TBC1D8: variants seen among roughly 807,000 people sequenced by gnomAD.
TBC1D8 encodes TBC1 domain family member 8, also known as BUB2-like protein 1.
A neutral mutation model predicts 118.8 loss-of-function variants in TBC1D8; 65 were observed. The ratio of observed to expected loss-of-function variants is 0.55; its 90% confidence interval spans 0.45 to 0.67. The LOEUF (loss-of-function observed/expected upper bound fraction) is 0.67, where lower values mean the gene tolerates loss of function less well. Among genes scored for constraint, TBC1D8 ranks in the 30% least tolerant of loss-of-function variants. The pLI, the probability that TBC1D8 is intolerant of heterozygous loss-of-function variation, is 0.00. For missense variants in TBC1D8, 1,376 were observed against 1,471.2 expected (o/e 0.94, Z 1.06); for synonymous variants, 566 against 595.8 (o/e 0.95, Z 0.73).
intron 1 of TBC1D8, among the ~76,000 whole-genome samples, chr2:101,126,358 C>CTAAGTG (rs1357892290): frequency 6.6e-6 from 1 of 152,196 alleles, no homozygotes; most frequent in Non-Finnish European, 1.5e-5. Context: ...TGGGGCCACA[C>CTAAGTG]AAACCATATC....
At chr2:101,066,944 C>CAAA (rs543680787) in intron 2 of TBC1D8, among the ~76,000 whole-genome samples, 2 of 114,918 alleles carry the variant, frequency 1.7e-5, no homozygotes, top group Admixed American at 9.5e-5. Flanking sequence ...GAGAGTATCC[C>CAAA]AAAAAAAAAA....
chr2:101,056,170 C>T (rs1047909572), intron 3 of TBC1D8, among the ~76,000 whole-genome samples: 4 of 151,038 alleles, frequency 2.6e-5, no homozygotes, highest in Non-Finnish European at 4.4e-5. Flanking sequence ...CGAGCACTGA[C>T]ATTAAAATAA....
chr2:101,027,454 TGAG>T lies in TBC1D8; in HGVS notation c.2452-6_2452-4del, dbSNP rs747424950. 6.6e-5 allele frequency: 106 copies of T among 1,612,562 alleles called. No individual in the cohort carries two copies. Among genetic ancestry groups the T allele is most frequent in the Non-Finnish European group, 8.5e-5 (100 of 1,179,018 alleles). On this transcript the variant is annotated splice_polypyrimidine_tract_variant and splice_region_variant and intron_variant, in intron 14 of 19. Transcript: ENST00000409318. ...ACTTCCGGGATAACGACTCGAAGCT[TGAG>T]GAAAGAATAAACAGCAATGGCGTGA...
chr2:101,016,025 T>C (rs1367208878), intron 17 of TBC1D8, among the ~76,000 whole-genome samples: 6 of 151,870 alleles, frequency 4.0e-5, no homozygotes, highest in Admixed American at 3.9e-4. Context: ...AAGGACTTCA[T>C]GTCTAAAACA....
At chr2:101,129,491 A>G (rs537406922) in intron 1 of TBC1D8, among the ~76,000 whole-genome samples, 2 of 152,326 alleles carry the variant, frequency 1.3e-5, no homozygotes, top group South Asian at 4.1e-4. Flanking sequence ...AAACAAACAA[A>G]CAAGCATTTC....
chr2:101,037,424 C>T, intron 8 of TBC1D8, 108 bp downstream of exon 8: 1 of 1,473,908 alleles, frequency 6.8e-7, no homozygotes, highest in Non-Finnish European at 9.1e-7. Context: ...GGAGCGTTAG[C>T]TTCCCAAAGT....
chr2:101,099,738 T>C (rs1676703292), intron 1 of TBC1D8, among the ~76,000 whole-genome samples: 1 of 152,168 alleles, frequency 6.6e-6, no homozygotes, highest in South Asian at 2.1e-4. Flanking sequence ...ATCTATCACA[T>C]GAACAGAACC....
chr2:101,081,196 T>A (rs916622747), intron 2 of TBC1D8, among the ~76,000 whole-genome samples: 1 of 152,184 alleles, frequency 6.6e-6, no homozygotes, highest in East Asian at 1.9e-4. Context: ...AACTATTAAG[T>A]AAGCTTTTTC....
chr2:101,150,812 C>T (rs1236822727), intron 1 of TBC1D8, among the ~76,000 whole-genome samples: 2 of 152,162 alleles, frequency 1.3e-5, no homozygotes, highest in African/African-American at 4.8e-5. Context: ...CCGAGCCCTC[C>T]GGCCCCGCTC....
intron 1 of TBC1D8, among the ~76,000 whole-genome samples, chr2:101,146,947 T>TTACACATATAACA (rs1679341116): frequency 6.6e-6 from 1 of 152,234 alleles, no homozygotes; most frequent in Non-Finnish European, 1.5e-5. Flanking sequence ...ATAAGTGGGA[T>TTACACATATAACA]CATGCAGTAT....
intron 2 of TBC1D8, chr2:101,068,408 C>A: frequency 3.4e-6 from 1 of 290,666 alleles, no homozygotes; most frequent in Non-Finnish European, 6.4e-6. Context: ...AAGACCAGAA[C>A]GTTCAGGAAA....
intron 1 of TBC1D8, among the ~76,000 whole-genome samples, chr2:101,107,656 T>C (rs568659908): frequency 9.0e-4 from 137 of 152,314 alleles, no homozygotes; most frequent in African/African-American, 3.2e-3. Flanking sequence ...ATTTGGTTTC[T>C]ACTACCATGC....
intron 1 of TBC1D8, among the ~76,000 whole-genome samples, chr2:101,131,069 T>C (rs955563334): frequency 6.6e-6 from 1 of 152,144 alleles, no homozygotes; most frequent in South Asian, 2.1e-4. Flanking sequence ...TTTATTTATT[T>C]ATTTATTTAT....
At chr2:101,123,807 G>A (rs1299670899) in intron 1 of TBC1D8, among the ~76,000 whole-genome samples, 1 of 152,178 alleles carries the variant, frequency 6.6e-6, no homozygotes, top group Non-Finnish European at 1.5e-5. Context: ...ATAAAGGAAG[G>A]TCCTGCAGAG....
At chr2:101,015,657 AC>A (rs1679574749) in intron 17 of TBC1D8, among the ~76,000 whole-genome samples, 1 of 152,246 alleles carries the variant, frequency 6.6e-6, no homozygotes, top group Admixed American at 6.5e-5. Flanking sequence ...GCATCACGCT[AC>A]GTGACTTCAA....
rs556524394 is a variant in TBC1D8 at position 101,032,383 on chromosome 2, G to A, written c.1821C>T (p.Ser607=). Residue 607 remains serine, a splice_region_variant and synonymous_variant, in exon 11 of 20, where the codon TCC becomes TCT. Coordinates refer to ENST00000409318, the MANE Select transcript of TBC1D8 (RefSeq NM_001330348.2). ...HRNPKIGYCQ[S]MNILTSVLLL... The stretch of plus-strand genomic sequence containing the variant: ...GCAGCACGGAGGTCAGGATGTTCAT[G>A]GACTGCTCGGGGGTCAAGGAGGGCA... 2.2e-5 allele frequency: 36 copies of A among 1,613,372 alleles called. No individual in the cohort carries two copies. The highest frequency in any genetic ancestry group is 8.3e-5 in the Admixed American group (5 of 60,004).
chr2:101,076,052 C>A (rs1402562332), intron 2 of TBC1D8, among the ~76,000 whole-genome samples: 2 of 152,140 alleles, frequency 1.3e-5, no homozygotes, highest in Non-Finnish European at 2.9e-5. Context: ...AATAATAATT[C>A]ACTTGTCATC....
intron 1 of TBC1D8, among the ~76,000 whole-genome samples, chr2:101,147,090 C>T (rs867279110): frequency 7.6e-6 from 1 of 130,940 alleles, no homozygotes; most frequent in East Asian, 2.2e-4. Flanking sequence ...AGGCCGAGGC[C>T]GAGGCAGGAG....
chr2:101,054,131 T>C lies in TBC1D8; in HGVS notation c.608A>G (p.Tyr203Cys), dbSNP rs371557758. ...ACGTTCCTTGCCCAGGAAGAAGGAG[T>C]AGAAGCAGAGGTGGTTGATGCTGAG... is the stretch of plus-strand genomic sequence containing the variant. ...LYLSINHLCF[Y>C]SFFLGKELKL... is the part of the protein sequence containing the mutation. Residue 203 changes from tyrosine (Y) to cysteine (C), a missense_variant, in exon 4 of 20, where the codon TAC becomes TGC. Coordinates refer to ENST00000409318, the MANE Select transcript of TBC1D8 (RefSeq NM_001330348.2). The C allele has an allele frequency of 8.7e-6, 14 of 1,611,820 alleles. No individual in the cohort carries two copies. The highest frequency in any genetic ancestry group is 1.2e-5 in the Non-Finnish European group (14 of 1,179,238).
Sources: gnomAD v4.1 joint callset for allele counts (sites outside exome capture counted in the v4.1 genomes callset) on GRCh38, gnomAD v4.1.1 for gene constraint, MANE v1.5 for transcripts, NCBI Gene and HGNC (gene_info 2026-07-23, HGNC 2026-07-21) for gene names.